Variants in NOL4 observed in about 807,000 individuals in gnomAD.
The protein encoded by NOL4 is nucleolar protein 4, also known as cancer/testis antigen 125.
A neutral mutation model predicts 75.9 loss-of-function variants in NOL4; 17 were observed. The ratio of observed to expected loss-of-function variants is 0.22; its 90% CI spans 0.15 to 0.34. The LOEUF is 0.34. Ranked by LOEUF, NOL4 falls within the 10% of genes least tolerant of loss-of-function variation. NOL4 has a pLI of 1.00. For synonymous variants in NOL4, 292 were observed against 289.9 expected, an observed-to-expected ratio of 1.01 and a Z score of -0.07; for missense variants, 614 against 793.5, an observed-to-expected ratio of 0.77 and a Z score of 2.72.
At chr18:34,140,235 G>A (rs1395112912) in intron 1 of NOL4, among the ~76,000 whole-genome samples, 1 of 152,172 alleles carries the variant, frequency 6.6e-6, no homozygotes, top group Non-Finnish European at 1.5e-5. Flanking sequence ...GGATATCCTT[G>A]TTAACATTCT....
intron 5 of NOL4, among the ~76,000 whole-genome samples, chr18:34,044,841 C>A (rs911931489): frequency 1.3e-5 from 2 of 152,250 alleles, no homozygotes; most frequent in African/African-American, 2.4e-5. Flanking sequence ...TATAATGGCA[C>A]CCATGCACTT....
At position 34,223,516 on chromosome 18, in the gene NOL4, G is replaced by A. The variant is rs1166962150; in HGVS notation, c.-263C>T. 3 of 560,112 alleles carry A rather than the reference G, an allele frequency of 5.4e-6. No homozygotes were observed. The highest frequency in any genetic ancestry group is 9.5e-6 in the Non-Finnish European group (3 of 315,948). The allele number at this position is 560,112 out of a possible 1,614,324, so 34.7% of individuals were successfully genotyped here. On this transcript the variant is annotated 5_prime_UTR_variant, in exon 1 of 11. Coordinates refer to ENST00000261592, the MANE Select transcript of NOL4 (RefSeq NM_003787.5). ...GGACGTTTTTCCTGTTCCCTTAGCG[G>A]TCGGTCTCTTTAATATTTTGTGACC... is the stretch of plus-strand genomic sequence containing the variant.
chr18:34,215,130 A>T (rs1471926956), intron 1 of NOL4, among the ~76,000 whole-genome samples: 3 of 152,212 alleles, frequency 2.0e-5, no homozygotes, highest in African/African-American at 4.8e-5. Context: ...CTACAATGTA[A>T]AATGATTAAT....
chr18:33,910,331 TGAAACACACCGACAAGAG>T, intron 9 of NOL4, among the ~76,000 whole-genome samples: 1 of 152,094 alleles, frequency 6.6e-6, no homozygotes, highest in Non-Finnish European at 1.5e-5. Context: ...TTCAAATCAG[TGAAACACACCGACAAGAG>T]TCTAGTGTTT....
intron 5 of NOL4, among the ~76,000 whole-genome samples, chr18:34,033,936 C>T (rs946747301): frequency 4.0e-5 from 6 of 151,880 alleles, no homozygotes; most frequent in African/African-American, 1.5e-4. Context: ...GATACTATAC[C>T]CAGCAAAATT....
chr18:34,018,039 G>T (rs564138629), intron 6 of NOL4, among the ~76,000 whole-genome samples: 22 of 151,460 alleles, frequency 1.5e-4, no homozygotes, highest in Non-Finnish European at 2.9e-4. Flanking sequence ...CTGAATAAGG[G>T]AATAAAAAAA....
intron 10 of NOL4, among the ~76,000 whole-genome samples, chr18:33,861,690 TA>T (rs2063143007): frequency 6.6e-6 from 1 of 152,064 alleles, no homozygotes; most frequent in South Asian, 2.1e-4. Context: ...GAGAATAAAA[TA>T]CCTAGAAATC....
chr18:33,967,490 GCTT>G (rs2070698000), intron 6 of NOL4, among the ~76,000 whole-genome samples: 1 of 152,150 alleles, frequency 6.6e-6, no homozygotes, highest in African/African-American at 2.4e-5. Context: ...AAACTAAAGA[GCTT>G]CTGCACGGCA....
At position 33,899,617 on chromosome 18, in the gene NOL4, C is replaced by A. The variant is rs930280114; in HGVS notation, c.1543-16193G>T. ...GCAGTACTGGCTGTCTCTATGCATA[C>A]TGCTGAAACAAGGTATTGAAAAATC... is the stretch of plus-strand genomic sequence containing the variant. On this transcript the variant is annotated intron_variant, in intron 9 of 10. Transcript: ENST00000261592. Among the ~76,000 whole-genome samples, 6 of 152,272 alleles carry A rather than the reference C, an allele frequency of 3.9e-5. No homozygotes were observed. The East Asian group carries it at 1.2e-3, about 30-fold the overall frequency.
chr18:33,855,740 T>C (rs2062808411), intron 10 of NOL4, among the ~76,000 whole-genome samples: 1 of 152,062 alleles, frequency 6.6e-6, no homozygotes, highest in Non-Finnish European at 1.5e-5. Context: ...TATTGATTCA[T>C]TTTTTGAGGT....
chr18:33,912,542 A>T (rs1317649841), intron 9 of NOL4, among the ~76,000 whole-genome samples: 1 of 152,088 alleles, frequency 6.6e-6, no homozygotes, highest in Non-Finnish European at 1.5e-5. Flanking sequence ...ATAATCTAAA[A>T]TATGCAAACA....
At chr18:34,138,452 T>A (rs1418575962) in intron 1 of NOL4, among the ~76,000 whole-genome samples, 1 of 151,920 alleles carries the variant, frequency 6.6e-6, no homozygotes, top group Non-Finnish European at 1.5e-5. Flanking sequence ...TATTTAGAAC[T>A]GGGGAGGAGA....
intron 2 of NOL4, among the ~76,000 whole-genome samples, chr18:34,122,075 G>C (rs905624937): frequency 1.3e-5 from 2 of 152,176 alleles, no homozygotes; most frequent in Non-Finnish European, 2.9e-5. Flanking sequence ...GAAATTTCCT[G>C]TTCCAAATTC....
chr18:34,008,371 G>GTCTATCTATCTATCTA (rs10656153), intron 6 of NOL4, among the ~76,000 whole-genome samples: 578 of 147,682 alleles, frequency 3.9e-3, no homozygotes, highest in East Asian at 7.6e-3. Flanking sequence ...CTATCTGTCT[G>GTCTATCTATCTATCTA]TCTATCTATC....
intron 7 of NOL4, 151 bp from the exon 8 acceptor site, chr18:33,957,668 C>T: frequency 1.8e-6 from 1 of 540,794 alleles, no homozygotes; most frequent in Non-Finnish European, 3.2e-6. Flanking sequence ...TTTAAGCAAA[C>T]ACTCTTTAAA....
At chr18:34,105,416 C>T (rs1286165727) in intron 2 of NOL4, among the ~76,000 whole-genome samples, 1 of 151,876 alleles carries the variant, frequency 6.6e-6, no homozygotes, top group Non-Finnish European at 1.5e-5. Flanking sequence ...TTATATTTTG[C>T]ATTTCTTTTA....
At position 34,127,996 on chromosome 18, in the gene NOL4, C is replaced by T. The variant is rs139710068; in HGVS notation, c.414+1875G>A. Among the ~76,000 whole-genome samples, 826 of 151,926 alleles carry T rather than the reference C, an allele frequency of 5.4e-3. 8 individuals are homozygous for T. Among genetic ancestry groups the T allele is most frequent in the African/African-American group, 0.019 (794 of 41,504 alleles). On this transcript the variant is annotated intron_variant, in intron 2 of 10. Coordinates refer to ENST00000261592, the MANE Select transcript of NOL4 (RefSeq NM_003787.5). ...CATACTTTCAAAGGTTATATCTCTA[C>T]CCCAAAATGCAGAAAATGTCTTCCT...
intron 6 of NOL4, among the ~76,000 whole-genome samples, chr18:34,002,518 T>C (rs1430254734): frequency 6.6e-6 from 1 of 152,078 alleles, no homozygotes; most frequent in East Asian, 1.9e-4. Context: ...TACCATGTCT[T>C]CTTGTTCCAC....
At chr18:33,960,712 T>C (rs142749750) in intron 6 of NOL4, among the ~76,000 whole-genome samples, 248 of 152,300 alleles carry the variant, frequency 1.6e-3, no homozygotes, top group African/African-American at 5.6e-3. Flanking sequence ...CAATGTCACA[T>C]AGCTAGCAAG....
Sources: allele counts gnomAD v4.1 joint callset (sites outside exome capture counted in the v4.1 genomes callset), GRCh38; gene constraint gnomAD v4.1.1; transcripts MANE v1.5; gene names NCBI Gene and HGNC (gene_info 2026-07-23, HGNC 2026-07-21).